The following ADGRV1 variants were observed in gnomAD, a reference collection of about 807,000 sequenced individuals.
The protein encoded by ADGRV1 is G-protein coupled receptor 98.
Under a neutral mutation model 596.2 loss-of-function variants are expected in ADGRV1, and 359 were observed. The ratio of observed to expected loss-of-function variants is 0.60; its 90% CI spans 0.55 to 0.66. The LOEUF (loss-of-function observed/expected upper bound fraction) is 0.66, where lower values mean the gene tolerates loss of function less well. ADGRV1 is among the 30% of genes least tolerant of loss of function. ADGRV1 has a pLI of 0.00. For synonymous variants in ADGRV1, 2,681 were observed against 2,679.2 expected, an observed-to-expected ratio of 1.00 and a Z score of -0.02; for missense variants, 7,274 against 7,575.6, an observed-to-expected ratio of 0.96 and a Z score of 1.48.
chr5:91,099,101 GT>G (rs1296558719), intron 86 of ADGRV1, among the ~76,000 whole-genome samples: 2 of 151,706 alleles, frequency 1.3e-5, no homozygotes, highest in African/African-American at 4.8e-5. Flanking sequence ...ATATTTTCTT[GT>G]CCTGCTGCAA....
chr5:90,639,065 A>G (rs1766625863), intron 11 of ADGRV1, among the ~76,000 whole-genome samples: 1 of 91,506 alleles, frequency 1.1e-5, no homozygotes, highest in Non-Finnish European at 2.3e-5. Context: ...GCAAAAACCA[A>G]TTTACAACAC....
intron 85 of ADGRV1, among the ~76,000 whole-genome samples, chr5:91,030,259 C>T (rs1219305284): frequency 6.6e-6 from 1 of 152,062 alleles, no homozygotes; most frequent in Non-Finnish European, 1.5e-5. Flanking sequence ...TTAGTCCACT[C>T]TTGGATTCAA....
intron 9 of ADGRV1, 96 bp downstream of exon 9, chr5:90,629,635 T>C (rs745499866): frequency 1.6e-4 from 154 of 940,710 alleles, no homozygotes; most frequent in Middle Eastern, 3.1e-4. Context: ...GACCTTGTTA[T>C]TTTGCCGTCA....
At chr5:90,704,541 A>G (rs1748345531) in intron 36 of ADGRV1, 53 bp downstream of exon 36, 2 of 1,112,230 alleles carry the variant, frequency 1.8e-6, no homozygotes, top group Middle Eastern at 2.4e-4. Flanking sequence ...TCGTAAAAGA[A>G]AGAAAATTGT....
intron 75 of ADGRV1, among the ~76,000 whole-genome samples, chr5:90,820,857 T>C (rs1427893721): frequency 6.6e-6 from 1 of 152,140 alleles, no homozygotes; most frequent in Non-Finnish European, 1.5e-5. Flanking sequence ...CATTTTTTCC[T>C]TCATTTCAAC....
intron 27 of ADGRV1, 102 bp downstream of exon 27, chr5:90,681,556 C>T (rs2149575338): frequency 8.5e-7 from 1 of 1,173,534 alleles, no homozygotes; most frequent in Non-Finnish European, 1.2e-6. Flanking sequence ...TTTGTGTAGG[C>T]TGAGGGGAAT....
intron 89 of ADGRV1, among the ~76,000 whole-genome samples, chr5:91,157,908 A>G (rs1796604803): frequency 1.3e-5 from 2 of 152,224 alleles, no homozygotes; most frequent in South Asian, 4.1e-4. Context: ...CTTCTACTTC[A>G]GGTGCTTTAC....
intron 20 of ADGRV1, chr5:90,654,866 T>G (rs1769175391): frequency 1.3e-5 from 2 of 152,256 alleles, no homozygotes; most frequent in South Asian, 4.1e-4. Flanking sequence ...TACCTACAAG[T>G]ATCTGTTAGC....
At chr5:90,774,940 T>C (rs971030534) in intron 60 of ADGRV1, among the ~76,000 whole-genome samples, 1 of 152,220 alleles carries the variant, frequency 6.6e-6, no homozygotes, top group African/African-American at 2.4e-5. Context: ...TTATAGCCTA[T>C]GTACGTCTGT....
chr5:90,675,146 C>A, intron 23 of ADGRV1, 97 bp from the exon 24 acceptor site: 2 of 999,114 alleles, frequency 2.0e-6, no homozygotes, highest in Non-Finnish European at 2.8e-6. Context: ...GAATTTTGGC[C>A]TGGTGATCAA....
At chr5:91,035,687 A>G (rs188859916) in intron 85 of ADGRV1, among the ~76,000 whole-genome samples, 1,757 of 151,434 alleles carry the variant, frequency 0.012, 19 homozygotes, top group Middle Eastern at 0.035. Context: ...CTGCCTGCCT[A>G]GTTTCAAATC....
intron 85 of ADGRV1, among the ~76,000 whole-genome samples, chr5:91,015,006 G>A (rs1315700762): frequency 1.3e-5 from 2 of 151,974 alleles, no homozygotes; most frequent in African/African-American, 4.8e-5. Context: ...ACTTTTTGAT[G>A]TGGGCATTTA....
intron 86 of ADGRV1, among the ~76,000 whole-genome samples, chr5:91,094,414 A>C (rs915401079): frequency 6.6e-6 from 1 of 151,374 alleles, no homozygotes; most frequent in African/African-American, 2.4e-5. Context: ...AGCAAAGATC[A>C]GGCCACTGCA....
intron 61 of ADGRV1, 106 bp from the exon 62 acceptor site, chr5:90,777,798 GT>G: frequency 1.9e-6 from 2 of 1,046,606 alleles, no homozygotes; most frequent in Non-Finnish European, 2.7e-6. Context: ...AAAGAAAACT[GT>G]TATTGAAATG....
In ADGRV1 at chr5:90,653,708, T is replaced by C. The variant is rs1464332942; in HGVS notation, c.4134T>C (p.Asn1378=). 6.2e-7 allele frequency: 1 copy of C among 1,613,214 alleles called. No homozygotes were observed. Among genetic ancestry groups the C allele is most frequent in the East Asian group, 2.2e-5 (1 of 44,860 alleles). Residue 1378 remains asparagine, a synonymous_variant, in exon 20 of 90, where the codon AAT becomes AAC. Coordinates refer to ENST00000405460, the MANE Select transcript of ADGRV1 (RefSeq NM_032119.4). ...TCATTATAGCGAAGGATGACGGTAA[T>C]GGAAGCATCTACTACGGGGTAAAAA... ...NGFIIAKDDG[N]GSIYYGVKIQ...
At chr5:91,001,047 A>C (rs977428083) in intron 85 of ADGRV1, among the ~76,000 whole-genome samples, 5 of 152,046 alleles carry the variant, frequency 3.3e-5, no homozygotes, top group Non-Finnish European at 5.9e-5. Context: ...TGTTTGACCA[A>C]ATATCTGTCA....
chr5:90,976,270 G>A lies in ADGRV1; in HGVS notation c.17974-9074G>A, dbSNP rs1369608894. ...ATATATTTATATATAGTGTATATATGTTTACGTGTATCTGTATGTGTGTGT... is the reference window on the plus strand; with the variant it reads ...ATATATTTATATATAGTGTATATATATTTACGTGTATCTGTATGTGTGTGT... On this transcript the variant is annotated intron_variant, in intron 84 of 89. Coordinates refer to ENST00000405460, the MANE Select transcript of ADGRV1 (RefSeq NM_032119.4). 2.1e-5 allele frequency among the ~76,000 whole-genome samples: 3 copies of A among 140,184 alleles called. No individual in the cohort carries two copies. The East Asian group carries it at 6.2e-4, about 29-fold the overall frequency. 92.0% of individuals were successfully genotyped at this position (140,184 alleles called of 152,430 possible).
intron 85 of ADGRV1, among the ~76,000 whole-genome samples, chr5:91,036,798 C>T (rs1784952687): frequency 6.6e-6 from 1 of 152,070 alleles, no homozygotes; most frequent in Non-Finnish European, 1.5e-5. Context: ...ATTCACAATG[C>T]CCGTGAAGCA....
At chr5:90,806,332 A>C (rs943968073) in intron 72 of ADGRV1, among the ~76,000 whole-genome samples, 1 of 152,182 alleles carries the variant, frequency 6.6e-6, no homozygotes, top group Non-Finnish European at 1.5e-5. Context: ...TGCCTTGGAT[A>C]CTGGGGTTTC....
Sources: allele counts gnomAD v4.1 joint callset (sites outside exome capture counted in the v4.1 genomes callset), GRCh38; gene constraint gnomAD v4.1.1; transcripts MANE v1.5; gene names NCBI Gene and HGNC (gene_info 2026-07-23, HGNC 2026-07-21).